SMYD3: variants seen among roughly 807,000 people sequenced by gnomAD.
SMYD3 encodes histone-lysine N-methyltransferase SMYD3.
Under a neutral mutation model 57.7 loss-of-function variants are expected in SMYD3, and 36 were observed. That is an observed-to-expected ratio of 0.62 (90% confidence interval 0.48 to 0.82). SMYD3 has a LOEUF of 0.82. SMYD3 is among the 40% of genes least tolerant of loss of function. SMYD3 has a pLI of 0.00. For missense variants in SMYD3, 515 were observed against 538.8 expected (o/e 0.96, Z 0.44); for synonymous variants, 211 against 195.0 (o/e 1.08, Z -0.68).
At chr1:245,994,125 A>G (rs2058874630) in intron 5 of SMYD3, among the ~76,000 whole-genome samples, 1 of 152,248 alleles carries the variant, frequency 6.6e-6, no homozygotes, top group African/African-American at 2.4e-5. Flanking sequence ...CATTACAGAA[A>G]TAAAATAAAA....
intron 5 of SMYD3, among the ~76,000 whole-genome samples, chr1:246,180,794 A>C (rs1271584968): frequency 3.7e-5 from 4 of 108,462 alleles, no homozygotes; most frequent in Non-Finnish European, 1.9e-5. Context: ...AAAAAAAAAA[A>C]AAACAACTCA....
intron 5 of SMYD3, among the ~76,000 whole-genome samples, chr1:246,136,387 A>T (rs781281382): frequency 3.9e-5 from 6 of 152,216 alleles, no homozygotes; most frequent in African/African-American, 1.4e-4. Flanking sequence ...TAGACACCTC[A>T]TGGAGGAGCC....
chr1:245,754,524 A>C (rs1454122234), intron 11 of SMYD3, among the ~76,000 whole-genome samples: 1 of 152,160 alleles, frequency 6.6e-6, no homozygotes, highest in African/African-American at 2.4e-5. Context: ...CATTCAAAGG[A>C]GGAAATGCAA....
At chr1:246,428,828 G>C (rs1028938974) in intron 1 of SMYD3, among the ~76,000 whole-genome samples, 1 of 111,282 alleles carries the variant, frequency 9.0e-6, no homozygotes, top group African/African-American at 3.0e-5. Flanking sequence ...AACCGCCGAT[G>C]CTCTGCTGCC....
At chr1:246,196,738 G>C (rs1303791210) in intron 5 of SMYD3, among the ~76,000 whole-genome samples, 3 of 152,130 alleles carry the variant, frequency 2.0e-5, no homozygotes, top group Non-Finnish European at 4.4e-5. Context: ...AGCTCAAGCA[G>C]CTTAAAAAAT....
At chr1:245,999,938 A>G (rs980282773) in intron 5 of SMYD3, among the ~76,000 whole-genome samples, 1 of 152,220 alleles carries the variant, frequency 6.6e-6, no homozygotes, top group Non-Finnish European at 1.5e-5. Context: ...ACCAGGGAAC[A>G]TGCTGGCTAG....
At chr1:246,110,764 G>A (rs950031264) in intron 5 of SMYD3, among the ~76,000 whole-genome samples, 6 of 152,298 alleles carry the variant, frequency 3.9e-5, no homozygotes, top group South Asian at 4.1e-4. Context: ...ATGGAGTTGC[G>A]CGCCTGCGCT....
intron 10 of SMYD3, among the ~76,000 whole-genome samples, chr1:245,823,331 ACG>A (rs1163186296): frequency 2.4e-5 from 3 of 126,314 alleles, no homozygotes. Context: ...GCACACACAC[ACG>A]CGCGCTCGTG....
In SMYD3 at chr1:246,412,910, T is replaced by C. The variant is rs545206326; in HGVS notation, c.165-57816A>G. Among the ~76,000 whole-genome samples, 21 of 151,134 alleles carry C rather than the reference T, an allele frequency of 1.4e-4. No homozygotes were observed. In the East Asian group the frequency reaches 3.7e-3, roughly 26 times the overall value. ...AGAAAGGGAGAAGAGATTAATATAG[T>C]AGCAGTTTTTAAATGTTGGTATGTA... On this transcript the variant is annotated intron_variant, in intron 1 of 11. Transcript: ENST00000490107.
chr1:246,420,261 C>A (rs1424690830), intron 1 of SMYD3, among the ~76,000 whole-genome samples: 1 of 151,674 alleles, frequency 6.6e-6, no homozygotes, highest in Admixed American at 6.6e-5. Flanking sequence ...ACATAAACCA[C>A]TCGATGAGGA....
In SMYD3 at chr1:246,053,940, A is replaced by C. The variant is rs549363312; in HGVS notation, c.532-124003T>G. On this transcript the variant is annotated intron_variant, in intron 5 of 11. Coordinates refer to ENST00000490107, the MANE Select transcript of SMYD3 (RefSeq NM_001167740.2). ...AATTGATCAAATGAACTTTATTAAAATTAAAAACTTCGGCTCTTCAAAAGA... is the reference window on the plus strand; with the variant it reads ...AATTGATCAAATGAACTTTATTAAACTTAAAAACTTCGGCTCTTCAAAAGA... Among the ~76,000 whole-genome samples, 37 of 152,328 alleles carry C rather than the reference A, an allele frequency of 2.4e-4. No homozygotes were observed. The Middle Eastern group carries it at 0.01, about 42-fold the overall frequency.
At chr1:246,288,092 G>C (rs1458893676) in intron 5 of SMYD3, among the ~76,000 whole-genome samples, 2 of 31,686 alleles carry the variant, frequency 6.3e-5, no homozygotes, top group African/African-American at 2.3e-4. Flanking sequence ...TTTTTTTTTT[G>C]AGATGGAGTT....
intron 5 of SMYD3, among the ~76,000 whole-genome samples, chr1:246,284,432 T>G (rs1197632236): frequency 2.0e-5 from 3 of 151,448 alleles, no homozygotes; most frequent in Admixed American, 1.3e-4. Context: ...TTTTTTTTTT[T>G]TTGAGACGGA....
At chr1:245,951,245 G>T (rs1459662519) in intron 5 of SMYD3, among the ~76,000 whole-genome samples, 16 of 151,876 alleles carry the variant, frequency 1.1e-4, no homozygotes, top group Admixed American at 1.0e-3. Context: ...AGATGCGGGG[G>T]TGAATTACCC....
chr1:245,761,899 C>T (rs986237819), intron 11 of SMYD3, among the ~76,000 whole-genome samples: 2 of 149,684 alleles, frequency 1.3e-5, no homozygotes, highest in African/African-American at 2.5e-5. Context: ...GATTCTCTCA[C>T]CTCAGCCTCC....
chr1:245,839,430 A>G (rs1043536241), intron 10 of SMYD3, among the ~76,000 whole-genome samples: 12 of 151,420 alleles, frequency 7.9e-5, no homozygotes, highest in African/African-American at 2.7e-4. Flanking sequence ...CGGCCTCCCA[A>G]AGTGCTGGGA....
In SMYD3 at chr1:246,445,876, A is replaced by C. The variant is rs574561053; in HGVS notation, c.164+61178T>G. Among the ~76,000 whole-genome samples the C allele has an allele frequency of 1.8e-4, 28 of 152,166 alleles. No individual in the cohort carries two copies. In the East Asian group the frequency reaches 2.1e-3, roughly 12 times the overall value. On this transcript the variant is annotated intron_variant, in intron 1 of 11. Coordinates refer to ENST00000490107, the MANE Select transcript of SMYD3 (RefSeq NM_001167740.2). ...AAAGGAAAAAAAAAACAAAAAAAAA[A>C]CCTGGGAATAAGAGAATTAACTTAA...
intron 1 of SMYD3, among the ~76,000 whole-genome samples, chr1:246,376,604 A>C (rs1481769430): frequency 2.6e-5 from 4 of 151,130 alleles, no homozygotes; most frequent in Non-Finnish European, 4.4e-5. Flanking sequence ...AAAAAAAAAA[A>C]AAAAAACTAA....
intron 5 of SMYD3, among the ~76,000 whole-genome samples, chr1:246,320,339 T>C (rs1229142937): frequency 2.0e-5 from 3 of 152,146 alleles, no homozygotes; most frequent in Non-Finnish European, 4.4e-5. Context: ...GGAGGTCACA[T>C]ACGTGCCCTA....
Sources: gnomAD v4.1 joint callset for allele counts (sites outside exome capture counted in the v4.1 genomes callset) on GRCh38, gnomAD v4.1.1 for gene constraint, MANE v1.5 for transcripts, NCBI Gene and HGNC (gene_info 2026-07-23, HGNC 2026-07-21) for gene names.